The following TCEA3 variants were observed in gnomAD, a reference collection of about 807,000 sequenced individuals.
The protein encoded by TCEA3 is transcription elongation factor A protein 3.
TCEA3 carries 36 observed loss-of-function variants against 44.0 expected under a neutral mutation model. That is an observed-to-expected ratio of 0.82 (90% confidence interval 0.63 to 1.08). The LOEUF is 1.08. TCEA3 is among the 50% of genes least tolerant of loss of function. TCEA3 has a pLI of 0.00. For missense variants in TCEA3, 392 were observed against 441.2 expected, an observed-to-expected ratio of 0.89 and a Z score of 1.00; for synonymous variants, 162 against 159.7, an observed-to-expected ratio of 1.01 and a Z score of -0.11.
At chr1:23,401,245 T>C (rs888069130) in intron 5 of TCEA3, among the ~76,000 whole-genome samples, 1 of 152,202 alleles carries the variant, frequency 6.6e-6, no homozygotes, top group African/African-American at 2.4e-5. Context: ...CAAAAGTGCC[T>C]CCATGCATAC....
At chr1:23,385,816 G>T (rs915594125) in intron 9 of TCEA3, among the ~76,000 whole-genome samples, 1 of 152,212 alleles carries the variant, frequency 6.6e-6, no homozygotes, top group Non-Finnish European at 1.5e-5. Flanking sequence ...CAGAGCTAAA[G>T]CCCTTAGGCT....
chr1:23,410,928 A>G (rs1639687982), intron 4 of TCEA3: 1 of 169,238 alleles, frequency 5.9e-6, no homozygotes, highest in Non-Finnish European at 1.3e-5. Flanking sequence ...CCTGAATTGT[A>G]TGCAGTTACT....
intron 4 of TCEA3, among the ~76,000 whole-genome samples, chr1:23,415,167 C>T (rs1639853702): frequency 6.6e-6 from 1 of 151,972 alleles, no homozygotes; most frequent in Non-Finnish European, 1.5e-5. Context: ...GGACTACAGG[C>T]GTGCACCACT....
rs149411055 is a variant in TCEA3, at chr1:23,406,023, G to A, written c.443+2641C>T. The stretch of plus-strand genomic sequence containing the variant: ...CCAAGTCATAGTGACAACCATAAAC[G>A]CCTCCACACATTTCTAAATGACCCC... On this transcript the variant is annotated intron_variant, in intron 5 of 10. Transcript: ENST00000450454. 1.1e-3 allele frequency among the ~76,000 whole-genome samples: 165 copies of A among 152,034 alleles called. 4 individuals are homozygous for A. Among genetic ancestry groups the A allele is most frequent in the African/African-American group, 2.9e-3 (121 of 41,454 alleles).
At chr1:23,423,496 C>G (rs1640124609) in intron 1 of TCEA3, among the ~76,000 whole-genome samples, 1 of 152,168 alleles carries the variant, frequency 6.6e-6, no homozygotes, top group South Asian at 2.1e-4. Flanking sequence ...GTTCCAGTGA[C>G]CCTTCCCTGG....
intron 10 of TCEA3, among the ~76,000 whole-genome samples, chr1:23,382,867 A>G (rs904876013): frequency 3.9e-5 from 6 of 152,200 alleles, no homozygotes; most frequent in Admixed American, 2.6e-4. Flanking sequence ...TACTGGCCCC[A>G]TCCCTAAGTG....
At chr1:23,422,923 C>T (rs747642766) in intron 1 of TCEA3, among the ~76,000 whole-genome samples, 3 of 152,332 alleles carry the variant, frequency 2.0e-5, no homozygotes, top group South Asian at 2.1e-4. Flanking sequence ...GCCTCTCCTC[C>T]GGTCTCTAGG....
intron 4 of TCEA3, among the ~76,000 whole-genome samples, chr1:23,412,430 T>C (rs1299912115): frequency 7.2e-6 from 1 of 139,402 alleles, no homozygotes; most frequent in Non-Finnish European, 1.5e-5. Flanking sequence ...TGGCCGGGCA[T>C]GGTGGCTCAC....
chr1:23,390,745 T>C (rs1195276570), intron 8 of TCEA3, among the ~76,000 whole-genome samples: 1 of 151,904 alleles, frequency 6.6e-6, no homozygotes, highest in Non-Finnish European at 1.5e-5. Context: ...TACAACACTG[T>C]AGAAAATAAG....
At chr1:23,385,204 C>T (rs2148542557) in intron 9 of TCEA3, among the ~76,000 whole-genome samples, 1 of 152,286 alleles carries the variant, frequency 6.6e-6, no homozygotes, top group South Asian at 2.1e-4. Flanking sequence ...CCTTGGCTGG[C>T]CACGACATGT....
chr1:23,393,745 G>C, intron 8 of TCEA3, 134 bp downstream of exon 8: 2 of 1,181,478 alleles, frequency 1.7e-6, no homozygotes, highest in East Asian at 5.1e-5. Flanking sequence ...AGCCCAGGGG[G>C]GAGGCTGAGA....
chr1:23,421,503 G>GA (rs11340914), intron 1 of TCEA3, among the ~76,000 whole-genome samples: 40 of 148,752 alleles, frequency 2.7e-4, no homozygotes, highest in African/African-American at 3.5e-4. Flanking sequence ...AGTTCTCAAG[G>GA]AAAAAAAAAA....
rs2148538646 is a variant in TCEA3 at position 23,381,185 on chromosome 1, G to C, written c.*281C>G. On this transcript the variant is annotated 3_prime_UTR_variant, in exon 11 of 11. Coordinates refer to ENST00000450454, the MANE Select transcript of TCEA3 (RefSeq NM_003196.3). ...CCACCTCAGCCTCCCAGAGTTTGCA[G>C]ATTACAGCCATAAACCACCGTGCCC... 2.3e-6 allele frequency: 1 copy of C among 438,760 alleles called. No homozygotes were observed. The highest frequency in any genetic ancestry group is 4.1e-5 in the Admixed American group (1 of 24,496). 27.2% of individuals were successfully genotyped at this position (438,760 alleles called of 1,614,324 possible).
At chr1:23,424,005 GCCAAAAGAACCGCTCCTGACGCA>G (rs1376135503) in intron 1 of TCEA3, 1 of 379,846 alleles carries the variant, frequency 2.6e-6, no homozygotes, top group East Asian at 7.5e-5. Context: ...AGGGAAAATT[GCCAAAAGAACCGCTCCTGACGCA>G]CCAAGCGGTG....
intron 1 of TCEA3, 27 bp downstream of exon 1, chr1:23,424,538 G>A (rs1311059941): frequency 4.1e-5 from 65 of 1,596,188 alleles, no homozygotes; most frequent in Non-Finnish European, 5.4e-5. Context: ...GGGGGCGGGG[G>A]CCGTGGCCCA....
At chr1:23,382,220 A>G (rs1638689366) in intron 10 of TCEA3, among the ~76,000 whole-genome samples, 2 of 151,786 alleles carry the variant, frequency 1.3e-5, no homozygotes, top group African/African-American at 4.8e-5. Context: ...CTAATTTTGT[A>G]TTTTTAGTAG....
intron 5 of TCEA3, among the ~76,000 whole-genome samples, chr1:23,408,231 G>A (rs545006569): frequency 6.6e-6 from 1 of 152,224 alleles, no homozygotes; most frequent in African/African-American, 2.4e-5. Context: ...CAAAGTGCTG[G>A]GATTACAGGC....
intron 5 of TCEA3, among the ~76,000 whole-genome samples, chr1:23,407,788 G>A (rs1639584864): frequency 6.6e-6 from 1 of 151,928 alleles, no homozygotes; most frequent in African/African-American, 2.4e-5. Flanking sequence ...TGGCACCTAG[G>A]ATAGTTCTTG....
At chr1:23,406,921 C>T (rs1456603827) in intron 5 of TCEA3, among the ~76,000 whole-genome samples, 2 of 152,182 alleles carry the variant, frequency 1.3e-5, no homozygotes, top group African/African-American at 2.4e-5. Flanking sequence ...CGCACCTGGC[C>T]TTGACTCTGC....
Sources: allele counts gnomAD v4.1 joint callset (sites outside exome capture counted in the v4.1 genomes callset), GRCh38; gene constraint gnomAD v4.1.1; transcripts MANE v1.5; gene names NCBI Gene and HGNC (gene_info 2026-07-23, HGNC 2026-07-21).